Variants in CDH13 observed in about 807,000 individuals in gnomAD.
The protein encoded by CDH13 is cadherin 13, also known as cadherin-13.
A neutral mutation model predicts 63.8 loss-of-function variants in CDH13; 24 were observed. The observed-to-expected ratio is 0.38, with a 90% CI of 0.27 to 0.53. The LOEUF (loss-of-function observed/expected upper bound fraction) is 0.53. Ranked by LOEUF, CDH13 falls within the 20% of genes least tolerant of loss-of-function variation. The pLI is 0.85. For missense variants in CDH13, 1,049 were observed against 903.1 expected, an observed-to-expected ratio of 1.16 and a Z score of -2.07; for synonymous variants, 503 against 355.3, an observed-to-expected ratio of 1.42 and a Z score of -4.67.
At chr16:83,160,358 G>A (rs569730996) in intron 4 of CDH13, among the ~76,000 whole-genome samples, 8 of 151,980 alleles carry the variant, frequency 5.3e-5, no homozygotes, top group African/African-American at 1.5e-4. Flanking sequence ...TAAAAAAACC[G>A]TAAAAAAATA....
intron 7 of CDH13, among the ~76,000 whole-genome samples, chr16:83,497,018 C>G (rs1305614745): frequency 1.3e-5 from 2 of 152,170 alleles, no homozygotes; most frequent in East Asian, 1.9e-4. Context: ...ACAACAGGTG[C>G]TGGAGAGGAT....
intron 1 of CDH13, among the ~76,000 whole-genome samples, chr16:82,725,762 T>C (rs77642198): frequency 0.045 from 6,919 of 152,300 alleles, 221 homozygotes; most frequent in Non-Finnish European, 0.069. Context: ...TTTGGCTCTC[T>C]GAGAAATGTT....
chr16:83,382,405 A>G (rs1377863461), intron 6 of CDH13, among the ~76,000 whole-genome samples: 1 of 152,202 alleles, frequency 6.6e-6, no homozygotes, highest in African/African-American at 2.4e-5. Context: ...GAAAAGTTGC[A>G]CGAACAGAAC....
At chr16:82,647,024 A>G (rs997964126) in intron 1 of CDH13, among the ~76,000 whole-genome samples, 1 of 152,196 alleles carries the variant, frequency 6.6e-6, no homozygotes, top group African/African-American at 2.4e-5. Context: ...GCTGTAGTGC[A>G]GTGCCTCGCA....
intron 1 of CDH13, among the ~76,000 whole-genome samples, chr16:82,742,028 A>G (rs1056188441): frequency 1.4e-4 from 22 of 152,178 alleles, no homozygotes; most frequent in African/African-American, 4.3e-4. Context: ...AACACTCTAA[A>G]TTTCTTACAA....
rs577221920 is a variant in CDH13 at position 83,081,806 on chromosome 16, C to A, written c.367-43579C>A. Among the ~76,000 whole-genome samples, 10 of 146,908 alleles carry A rather than the reference C, an allele frequency of 6.8e-5. No individual in the cohort carries two copies. In the South Asian group the frequency reaches 2.2e-3, roughly 32 times the overall value. ...CATGACCTCATCTAAACCTAATTAC[C>A]TTTTTTTTTTTGAGACAGAGTTTGG... is the stretch of plus-strand genomic sequence containing the variant. On this transcript the variant is annotated intron_variant, in intron 3 of 13. Transcript: ENST00000567109.
At chr16:82,671,002 T>C (rs553758184) in intron 1 of CDH13, among the ~76,000 whole-genome samples, 13 of 152,222 alleles carry the variant, frequency 8.5e-5, no homozygotes, top group Non-Finnish European at 1.8e-4. Context: ...ATTGTTTAAC[T>C]ATGTGTCATA....
chr16:82,984,227 C>T (rs116132839), intron 2 of CDH13, among the ~76,000 whole-genome samples: 132 of 152,318 alleles, frequency 8.7e-4, no homozygotes, highest in African/African-American at 3.1e-3. Context: ...TTGAATTAGC[C>T]AGCCTAATTT....
chr16:82,818,461 C>T (rs2037834214), intron 1 of CDH13, among the ~76,000 whole-genome samples: 1 of 152,166 alleles, frequency 6.6e-6, no homozygotes, highest in South Asian at 2.1e-4. Flanking sequence ...AATATGATTA[C>T]AACATAAAGT....
chr16:83,325,611 G>A (rs2090342418), intron 5 of CDH13, among the ~76,000 whole-genome samples: 1 of 152,172 alleles, frequency 6.6e-6, no homozygotes, highest in Admixed American at 6.5e-5. Flanking sequence ...AAATCAAGCA[G>A]CAGCCTCGAT....
At chr16:83,148,184 C>T (rs1196372204) in intron 4 of CDH13, among the ~76,000 whole-genome samples, 2 of 152,128 alleles carry the variant, frequency 1.3e-5, no homozygotes, top group African/African-American at 2.4e-5. Flanking sequence ...GTGATCCACC[C>T]GCCTCAGCTT....
chr16:83,090,075 C>T (rs921527745), intron 3 of CDH13, among the ~76,000 whole-genome samples: 3 of 152,124 alleles, frequency 2.0e-5, no homozygotes, highest in Non-Finnish European at 4.4e-5. Flanking sequence ...CTGTGATCAC[C>T]TCGCGTAGAT....
chr16:83,745,014 AT>A (rs1912440633), intron 10 of CDH13, among the ~76,000 whole-genome samples: 1 of 152,176 alleles, frequency 6.6e-6, no homozygotes, highest in Non-Finnish European at 1.5e-5. Flanking sequence ...CAAAGTTCAC[AT>A]ATCTCTAGGC....
chr16:82,985,310 A>G (rs531411471), intron 2 of CDH13, among the ~76,000 whole-genome samples: 1 of 152,302 alleles, frequency 6.6e-6, no homozygotes, highest in South Asian at 2.1e-4. Context: ...AAAAGAAATT[A>G]GAGGGCTGAT....
chr16:83,120,379 C>T (rs2035510863), intron 3 of CDH13, among the ~76,000 whole-genome samples: 2 of 152,194 alleles, frequency 1.3e-5, no homozygotes, highest in South Asian at 4.1e-4. Context: ...ACAGAAATAT[C>T]ACCCATTTGT....
At chr16:83,312,205 C>A (rs1341512574) in intron 5 of CDH13, among the ~76,000 whole-genome samples, 3 of 152,038 alleles carry the variant, frequency 2.0e-5, no homozygotes, top group Non-Finnish European at 4.4e-5. Flanking sequence ...CCAGTGCAGA[C>A]AGATACAGAT....
chr16:82,869,949 T>C (rs1023512834), intron 2 of CDH13, among the ~76,000 whole-genome samples: 1 of 152,000 alleles, frequency 6.6e-6, no homozygotes, highest in African/African-American at 2.4e-5. Flanking sequence ...CTGAGAAGCA[T>C]GGGAAACTGA....
chr16:83,079,135 AGG>A (rs1448505196), intron 3 of CDH13, among the ~76,000 whole-genome samples: 2 of 152,114 alleles, frequency 1.3e-5, no homozygotes, highest in Non-Finnish European at 2.9e-5. Context: ...CACATTCCCC[AGG>A]TAGTTGTTTA....
At chr16:83,095,587 C>G (rs892578651) in intron 3 of CDH13, among the ~76,000 whole-genome samples, 1 of 152,114 alleles carries the variant, frequency 6.6e-6, no homozygotes, top group African/African-American at 2.4e-5. Flanking sequence ...GTTCTTCAAG[C>G]TTATGTATTT....
Sources: gnomAD v4.1 joint callset for allele counts (sites outside exome capture counted in the v4.1 genomes callset) on GRCh38, gnomAD v4.1.1 for gene constraint, MANE v1.5 for transcripts, NCBI Gene and HGNC (gene_info 2026-07-23, HGNC 2026-07-21) for gene names.